The following PRR33 variants were observed in gnomAD, a reference collection of about 807,000 sequenced individuals.
The protein encoded by PRR33 is proline-rich protein 33.
PRR33 carries 1 observed loss-of-function variant against 0.5 expected under a neutral mutation model. That is an observed-to-expected ratio of 2.18 (90% CI 0.77 to 10.34). The LOEUF (loss-of-function observed/expected upper bound fraction) is 10.34, where lower values mean the gene tolerates loss of function less well. Among genes scored for constraint, PRR33 ranks in the 30% most tolerant of loss-of-function variants. The probability of loss-of-function intolerance (pLI) is 0.13; values close to 1 mark genes in which losing one functional copy is unlikely to be tolerated. For missense variants in PRR33, 552 were observed against 251.8 expected (o/e 2.19, Z -8.07); for synonymous variants, 226 against 110.0 (o/e 2.06, Z -6.60).
At chr11:1,906,975 C>A in the PRR33 span, among the ~76,000 whole-genome samples, 2 of 152,216 alleles carry the variant, frequency 1.3e-5, no homozygotes, top group Admixed American at 1.3e-4. Flanking sequence ...CCTCAACTCC[C>A]GCTTCCCGCA....
At chr11:1,911,841 T>C in the PRR33 span, among the ~76,000 whole-genome samples, 15 of 152,078 alleles carry the variant, frequency 9.9e-5, no homozygotes, top group African/African-American at 3.6e-4. Flanking sequence ...TTCAGTTTTC[T>C]GATGTACAAC....
At chr11:1,910,873 A>G in the PRR33 span, among the ~76,000 whole-genome samples, 1 of 152,204 alleles carries the variant, frequency 6.6e-6, no homozygotes, top group Non-Finnish European at 1.5e-5. Context: ...CTTCTCTGCC[A>G]GCTGCCTGTC....
the PRR33 span, among the ~76,000 whole-genome samples, chr11:1,897,554 G>A: frequency 4.6e-5 from 7 of 152,180 alleles, no homozygotes; most frequent in East Asian, 1.9e-4. This position sits in a 1 kb window ranked among gnomAD's most constrained non-coding sequence, Gnocchi z 4.0. Flanking sequence ...GGTCTGGTCC[G>A]TTGGGGCCTC....
At chr11:1,893,162 G>A (rs1396398812), upstream of PRR33, among the ~76,000 whole-genome samples, 1 of 117,242 alleles carries the variant, frequency 8.5e-6, no homozygotes, top group African/African-American at 3.0e-5. Flanking sequence ...GAGTGAATGA[G>A]TAAGTGGGTG....
chr11:1,910,537 C>T, the PRR33 span, among the ~76,000 whole-genome samples: 2 of 152,172 alleles, frequency 1.3e-5, no homozygotes. Context: ...CGTGAGCCAC[C>T]GTGCCTGGCT....
At chr11:1,916,085 G>C in the PRR33 span, among the ~76,000 whole-genome samples, 1 of 152,034 alleles carries the variant, frequency 6.6e-6, no homozygotes, top group Admixed American at 6.5e-5. Context: ...GTGAAGGTGA[G>C]AGTGAATGCA....
the PRR33 span, among the ~76,000 whole-genome samples, chr11:1,909,482 G>A: frequency 4.6e-5 from 7 of 151,968 alleles, no homozygotes; most frequent in Admixed American, 1.3e-4. Flanking sequence ...GTGGTGGCAC[G>A]CGCCTGTAAT....
chr11:1,892,579 G>C (rs1014757525), upstream of PRR33, among the ~76,000 whole-genome samples: 3 of 152,132 alleles, frequency 2.0e-5, no homozygotes, highest in Admixed American at 2.0e-4. Context: ...GATCCACCTC[G>C]GGGCCTCCCC....
At chr11:1,890,909 T>C in exon 1 of PRR33, 1 of 323,510 alleles carries the variant, frequency 3.1e-6, no homozygotes, top group Admixed American at 4.3e-5. Flanking sequence ...GTACACAGCC[T>C]GGGTCAGGCC....
At chr11:1,902,172 C>T in the PRR33 span, among the ~76,000 whole-genome samples, 1 of 150,274 alleles carries the variant, frequency 6.7e-6, no homozygotes, top group African/African-American at 2.5e-5. Context: ...GCGGAGCTTG[C>T]AGTGAGCAGA....
At chr11:1,913,977 G>C in the PRR33 span, among the ~76,000 whole-genome samples, 1 of 152,268 alleles carries the variant, frequency 6.6e-6, no homozygotes, top group Non-Finnish European at 1.5e-5. Context: ...GCCCAGCATA[G>C]CTGCTTGCCT....
chr11:1,912,499 G>A, the PRR33 span, among the ~76,000 whole-genome samples: 5 of 152,224 alleles, frequency 3.3e-5, no homozygotes, highest in East Asian at 7.7e-4. Context: ...TCGTCATTAC[G>A]TTCCTCTTTT....
chr11:1,897,693 G>A, the PRR33 span, among the ~76,000 whole-genome samples: 13 of 152,262 alleles, frequency 8.5e-5, no homozygotes, highest in African/African-American at 3.1e-4. This position sits in a 1 kb window ranked among gnomAD's most constrained non-coding sequence, Gnocchi z 4.0. Context: ...CTCAGTCACC[G>A]CCACTTCCAG....
chr11:1,900,335 T>A, the PRR33 span, among the ~76,000 whole-genome samples: 33 of 152,374 alleles, frequency 2.2e-4, no homozygotes, highest in African/African-American at 7.9e-4. Flanking sequence ...CTGGCTGATT[T>A]AGCATGAAAA....
chr11:1,891,590 A>C (rs943186157), exon 1 of PRR33: 2 of 152,444 alleles, frequency 1.3e-5, no homozygotes, highest in Non-Finnish European at 2.9e-5. Flanking sequence ...AAGTGCTCGC[A>C]CTGGGAAGCA....
At chr11:1,900,252 A>G in the PRR33 span, among the ~76,000 whole-genome samples, 1 of 152,154 alleles carries the variant, frequency 6.6e-6, no homozygotes, top group African/African-American at 2.4e-5. Context: ...ACTGTTTATT[A>G]GAAGGGTTAT....
upstream of PRR33, among the ~76,000 whole-genome samples, chr11:1,895,092 T>G (rs561470157): frequency 6.6e-6 from 1 of 152,300 alleles, no homozygotes; most frequent in East Asian, 1.9e-4. Context: ...TGCTGTAAAA[T>G]TGGGTTATTT....
chr11:1,903,320 G>C, the PRR33 span: 9 of 149,454 alleles, frequency 6.0e-5, no homozygotes, highest in Admixed American at 2.0e-4. Flanking sequence ...GCTGTGGAGC[G>C]GGGGGTGGGG....
the PRR33 span, among the ~76,000 whole-genome samples, chr11:1,899,139 T>C: frequency 6.6e-6 from 1 of 152,100 alleles, no homozygotes; most frequent in Non-Finnish European, 1.5e-5. Context: ...GATCCCTTTT[T>C]AGTTCTATTA....
Sources: allele counts gnomAD v4.1 joint callset (sites outside exome capture counted in the v4.1 genomes callset), GRCh38; gene constraint gnomAD v4.1.1; non-coding constraint Gnocchi (gnomAD v3.1); transcripts MANE v1.5; gene names NCBI Gene and HGNC (gene_info 2026-07-23, HGNC 2026-07-21).